The following LRRC4C variants were observed in gnomAD, a reference collection of about 807,000 sequenced individuals.
LRRC4C encodes the protein leucine-rich repeat-containing protein 4C.
In LRRC4C, 5 loss-of-function variants were observed where a neutral mutation model predicts 33.6. That is an observed-to-expected ratio of 0.15 (90% CI 0.08 to 0.31). The LOEUF is 0.31. Among genes scored for constraint, LRRC4C ranks in the 10% least tolerant of loss-of-function variants. The pLI is 1.00. For synonymous variants in LRRC4C, 329 were observed against 302.0 expected (o/e 1.09, Z -0.93); for missense variants, 560 against 796.7 (o/e 0.70, Z 3.58).
intron 3 of LRRC4C, among the ~76,000 whole-genome samples, chr11:40,476,254 A>T (rs890816261): frequency 6.6e-6 from 1 of 150,952 alleles, no homozygotes; most frequent in African/African-American, 2.4e-5. Flanking sequence ...GCTTAAAATT[A>T]TTTGAGGTTC....
chr11:41,193,168 T>A (rs747585790), intron 1 of LRRC4C, among the ~76,000 whole-genome samples: 29 of 152,136 alleles, frequency 1.9e-4, no homozygotes, highest in Non-Finnish European at 3.7e-4. Flanking sequence ...AAGGTATGGA[T>A]GATGAGAACA....
intron 3 of LRRC4C, among the ~76,000 whole-genome samples, chr11:40,368,459 C>A (rs544537459): frequency 1.3e-5 from 2 of 152,054 alleles, no homozygotes; most frequent in Non-Finnish European, 2.9e-5. Flanking sequence ...AAACTTAGTA[C>A]GGGAACATTT....
At chr11:40,337,631 T>C (rs1243158558) in intron 3 of LRRC4C, among the ~76,000 whole-genome samples, 1 of 152,210 alleles carries the variant, frequency 6.6e-6, no homozygotes, top group Non-Finnish European at 1.5e-5. Context: ...TCTGAAATAA[T>C]CTGTTTACTC....
intron 1 of LRRC4C, among the ~76,000 whole-genome samples, chr11:41,355,503 A>T (rs1952129212): frequency 6.6e-6 from 1 of 152,136 alleles, no homozygotes; most frequent in African/African-American, 2.4e-5. Flanking sequence ...GAATAAAGCC[A>T]CTATTCATGT....
chr11:40,876,614 G>A (rs899536319), intron 2 of LRRC4C, among the ~76,000 whole-genome samples: 17 of 151,848 alleles, frequency 1.1e-4, no homozygotes, highest in Admixed American at 1.3e-4. Context: ...TTTTCTAAAA[G>A]AAATCTCAGG....
At chr11:40,630,092 T>C (rs1202240117) in intron 3 of LRRC4C, among the ~76,000 whole-genome samples, 1 of 152,060 alleles carries the variant, frequency 6.6e-6, no homozygotes, top group African/African-American at 2.4e-5. Flanking sequence ...TTATTATATG[T>C]TTTTAACCTC....
At chr11:41,388,846 T>C (rs1953467131) in intron 1 of LRRC4C, among the ~76,000 whole-genome samples, 1 of 151,870 alleles carries the variant, frequency 6.6e-6, no homozygotes, top group Non-Finnish European at 1.5e-5. Context: ...AGGTATATCA[T>C]AGTTCCTCAA....
At chr11:40,603,793 G>A (rs922651748) in intron 3 of LRRC4C, among the ~76,000 whole-genome samples, 1 of 152,156 alleles carries the variant, frequency 6.6e-6, no homozygotes, top group Admixed American at 6.5e-5. Flanking sequence ...CCAAGCCACA[G>A]CATCTAAGAG....
chr11:41,319,628 G>A (rs944826170), intron 1 of LRRC4C, among the ~76,000 whole-genome samples: 1 of 152,182 alleles, frequency 6.6e-6, no homozygotes, highest in African/African-American at 2.4e-5. Context: ...CTGCAGCATC[G>A]ATCTGCCAGG....
At chr11:40,339,382 T>C (rs1946767147) in intron 3 of LRRC4C, among the ~76,000 whole-genome samples, 1 of 152,218 alleles carries the variant, frequency 6.6e-6, no homozygotes, top group Non-Finnish European at 1.5e-5. Flanking sequence ...TTAATGTATA[T>C]AAGCCTGTTA....
rs528815384 is a variant in LRRC4C, at chr11:40,814,499, C to T, written c.-407+119136G>A. On this transcript the variant is annotated intron_variant, in intron 2 of 6. Coordinates refer to ENST00000528697, the MANE Select transcript of LRRC4C (RefSeq NM_001258419.2). ...TGATGGGAGGGGCTGCTGCAAAGGTCTCTGACATGCCCTGGAGACATTTTC... is the reference window on the plus strand; with the variant it reads ...TGATGGGAGGGGCTGCTGCAAAGGTTTCTGACATGCCCTGGAGACATTTTC... 3.3e-5 allele frequency among the ~76,000 whole-genome samples: 5 copies of T among 152,186 alleles called. No homozygotes were observed. The East Asian group carries it at 9.7e-4, about 29-fold the overall frequency.
chr11:40,692,819 A>G (rs1392327972), intron 2 of LRRC4C, among the ~76,000 whole-genome samples: 1 of 152,108 alleles, frequency 6.6e-6, no homozygotes, highest in African/African-American at 2.4e-5. Context: ...GAATTCCATG[A>G]CACTGTACAT....
intron 1 of LRRC4C, among the ~76,000 whole-genome samples, chr11:41,358,495 G>A (rs550518077): frequency 6.6e-6 from 1 of 152,182 alleles, no homozygotes; most frequent in African/African-American, 2.4e-5. Flanking sequence ...ATTTGCAAAA[G>A]ACACATTTAA....
chr11:41,135,435 G>A lies in LRRC4C; in HGVS notation c.-495-201712C>T, dbSNP rs561749289. ...GTGGTAAAATGGGAACGAAAACATG[G>A]CAATAACAAATGGAATAAACAATTG... On this transcript the variant is annotated intron_variant, in intron 1 of 6. Coordinates refer to ENST00000528697, the MANE Select transcript of LRRC4C (RefSeq NM_001258419.2). Among the ~76,000 whole-genome samples the A allele has an allele frequency of 2.7e-3, 413 of 152,220 alleles. 1 individual carries two copies. Among genetic ancestry groups the A allele is most frequent in the Non-Finnish European group, 4.2e-3 (288 of 67,992 alleles).
At chr11:41,436,749 C>T (rs1955441924) in intron 1 of LRRC4C, among the ~76,000 whole-genome samples, 1 of 152,170 alleles carries the variant, frequency 6.6e-6, no homozygotes, top group Admixed American at 6.5e-5. Context: ...TTGCAGACCA[C>T]AACACAGCAT....
chr11:40,139,754 G>A (rs1210215391), intron 6 of LRRC4C, among the ~76,000 whole-genome samples: 1 of 152,136 alleles, frequency 6.6e-6, no homozygotes, highest in Non-Finnish European at 1.5e-5. Context: ...ATAGGTCTCT[G>A]GTGCTTTTCT....
At chr11:40,312,377 C>T (rs568687328) in intron 4 of LRRC4C, among the ~76,000 whole-genome samples, 6 of 152,264 alleles carry the variant, frequency 3.9e-5, no homozygotes, top group Non-Finnish European at 7.4e-5. Context: ...TTGCTTTTGT[C>T]TTCCTCCTTC....
At chr11:40,477,740 C>T (rs1323360243) in intron 3 of LRRC4C, among the ~76,000 whole-genome samples, 1 of 152,040 alleles carries the variant, frequency 6.6e-6, no homozygotes, top group Non-Finnish European at 1.5e-5. Context: ...CAGTACAATA[C>T]CTTGGAAAGA....
chr11:41,111,503 A>C (rs1320298210), intron 1 of LRRC4C, among the ~76,000 whole-genome samples: 1 of 152,078 alleles, frequency 6.6e-6, no homozygotes, highest in Non-Finnish European at 1.5e-5. Flanking sequence ...AATTTATTCT[A>C]TGAAAATACA....
Sources: gnomAD v4.1 joint callset for allele counts (sites outside exome capture counted in the v4.1 genomes callset) on GRCh38, gnomAD v4.1.1 for gene constraint, MANE v1.5 for transcripts, NCBI Gene and HGNC (gene_info 2026-07-23, HGNC 2026-07-21) for gene names.